SMURF2: variants seen among roughly 807,000 people sequenced by gnomAD.
SMURF2 encodes the protein E3 ubiquitin-protein ligase SMURF2.
Under a neutral mutation model 109.6 loss-of-function variants are expected in SMURF2, and 48 were observed. The ratio of observed to expected loss-of-function variants is 0.44; its 90% confidence interval spans 0.35 to 0.56. The LOEUF (loss-of-function observed/expected upper bound fraction) is 0.56. Ranked by LOEUF, SMURF2 falls within the 20% of genes least tolerant of loss-of-function variation. The probability of loss-of-function intolerance (pLI) is 0.01; values close to 1 mark genes in which losing one functional copy is unlikely to be tolerated. For synonymous variants in SMURF2, 288 were observed against 317.1 expected (o/e 0.91, Z 0.97); for missense variants, 575 against 909.0 (o/e 0.63, Z 4.72).
rs546499479 is a variant in SMURF2 at position 64,614,090 on chromosome 17, C to T, written c.53-7450G>A. Among the ~76,000 whole-genome samples the T allele has an allele frequency of 8.4e-4, 128 of 152,158 alleles. No individual in the cohort carries two copies. In the South Asian group the frequency reaches 0.022, roughly 26 times the overall value. On this transcript the variant is annotated intron_variant, in intron 1 of 18. Transcript: ENST00000262435. Reference sequence around the variant, plus strand: ...GAGGCTGAGCTCAGGTGGTAATACACGATGGGAAGTGGTTGTAAATACAGA... The same window carrying T: ...GAGGCTGAGCTCAGGTGGTAATACATGATGGGAAGTGGTTGTAAATACAGA...
intron 1 of SMURF2, chr17:64,660,638 G>C (rs1332007688): frequency 6.6e-6 from 1 of 152,180 alleles, no homozygotes; most frequent in Non-Finnish European, 1.5e-5. Flanking sequence ...TACAAAATTA[G>C]TCCAAATAAA....
intron 1 of SMURF2, among the ~76,000 whole-genome samples, chr17:64,642,306 A>G (rs565878240): frequency 4.6e-5 from 7 of 152,312 alleles, no homozygotes; most frequent in African/African-American, 1.4e-4. Flanking sequence ...CATCCTCCCT[A>G]AAGTCAGCAT....
intron 1 of SMURF2, among the ~76,000 whole-genome samples, chr17:64,627,272 G>A (rs1598303156): frequency 6.6e-6 from 1 of 151,944 alleles, no homozygotes; most frequent in Admixed American, 6.5e-5. Context: ...GTGCCACCAC[G>A]CCCAGCTAAT....
intron 1 of SMURF2, among the ~76,000 whole-genome samples, chr17:64,650,062 A>T (rs1386200072): frequency 2.0e-5 from 3 of 152,184 alleles, no homozygotes; most frequent in African/African-American, 7.2e-5. Flanking sequence ...GCTCTTATAA[A>T]ATATAATCGG....
intron 7 of SMURF2, among the ~76,000 whole-genome samples, chr17:64,582,301 T>C (rs1416699708): frequency 1.3e-5 from 2 of 152,304 alleles, no homozygotes; most frequent in South Asian, 2.1e-4. Context: ...GAATTTGGTA[T>C]TTTATGCCTA....
intron 1 of SMURF2, among the ~76,000 whole-genome samples, chr17:64,644,774 T>C (rs142126845): frequency 2.0e-5 from 3 of 151,762 alleles, no homozygotes; most frequent in South Asian, 2.1e-4. Context: ...TAGCTGGGCA[T>C]GGTGGCGTGC....
intron 6 of SMURF2, among the ~76,000 whole-genome samples, chr17:64,585,777 T>C (rs1969643080): frequency 6.6e-6 from 1 of 152,238 alleles, no homozygotes; most frequent in South Asian, 2.1e-4. Context: ...TTGCATGGCC[T>C]GTTTTGAATA....
Position 64,589,178 on chromosome 17 carries a change from TTAAGAG to T in SMURF2, c.400+1900_400+1905del, listed in dbSNP as rs536818299. 1.2e-3 allele frequency among the ~76,000 whole-genome samples: 185 copies of T among 152,250 alleles called. 1 individual carries two copies. The highest frequency in any genetic ancestry group is 4.0e-3 in the African/African-American group (166 of 41,532). On this transcript the variant is annotated intron_variant, in intron 5 of 18. Coordinates refer to ENST00000262435, the MANE Select transcript of SMURF2 (RefSeq NM_022739.4). ...TACATATATACAGGCATACACATATTTAAGAGTAAAACATTTGTTTTCTATGTGGTG... is the reference window on the plus strand; with the variant it reads ...TACATATATACAGGCATACACATATTTAAAACATTTGTTTTCTATGTGGTG...
At chr17:64,563,265 T>C (rs569694185) in intron 10 of SMURF2, 1 of 201,818 alleles carries the variant, frequency 5.0e-6, no homozygotes, top group South Asian at 1.3e-4. Context: ...GAGTTTACCA[T>C]CACCCACTTT....
chr17:64,593,557 C>G lies in SMURF2; in HGVS notation c.217G>C (p.Asp73His). 2.6e-6 allele frequency: 4 copies of G among 1,561,936 alleles called. No individual in the cohort carries two copies. Among genetic ancestry groups the G allele is most frequent in the Non-Finnish European group, 3.5e-6 (4 of 1,148,018 alleles). Residue 73 changes from aspartate to histidine, a missense_variant, in exon 4 of 19, where the codon GAT (aspartate) becomes CAT (histidine). Physicochemically the swap from Asp to His is moderately conservative, Grantham distance 81 (BLOSUM62 -1). Transcript: ENST00000262435. ...TTCCATACACTGATCGTAACTGAAT[C>G]AGACTTTCCAATATACCTAAAAAAC... ...QHYDLYIGKSDSVTISVWNHK... is the reference protein window; with the variant it reads ...QHYDLYIGKSHSVTISVWNHK...
chr17:64,573,328 G>T (rs541025560), intron 9 of SMURF2, among the ~76,000 whole-genome samples: 1 of 150,834 alleles, frequency 6.6e-6, no homozygotes, highest in South Asian at 2.1e-4. Context: ...AATTTAAATT[G>T]TAACAGATAA....
Position 64,648,058 on chromosome 17 carries a change from TAAAAAAAAAAAAAAAAAAAAA to T in SMURF2, c.52+13750_52+13770del, listed in dbSNP as rs56131846. On this transcript the variant is annotated intron_variant, in intron 1 of 18. Transcript: ENST00000262435. ...GGCAACACAGTGAGACCCTATCTCT[TAAAAAAAAAAAAAAAAAAAAA>T]AAAAAAAAAAAAACAGGATCTCAAT... Among the ~76,000 whole-genome samples, 5 of 17,690 alleles carry T rather than the reference TAAAAAAAAAAAAAAAAAAAAA, an allele frequency of 2.8e-4. No individual in the cohort carries two copies. The East Asian group carries it at 6.0e-3, about 21-fold the overall frequency. The allele number at this position is 17,690 out of a possible 152,430, so 11.6% of individuals were successfully genotyped here. A position where few individuals can be genotyped will look rare whatever the true frequency, so the allele number is the denominator to read the frequency against.
chr17:64,625,898 A>C (rs560624503), intron 1 of SMURF2, among the ~76,000 whole-genome samples: 1 of 152,306 alleles, frequency 6.6e-6, no homozygotes, highest in African/African-American at 2.4e-5. Context: ...TAGACAATAC[A>C]CACACTTTAA....
chr17:64,552,514 G>A (rs1969059688), intron 15 of SMURF2, among the ~76,000 whole-genome samples: 1 of 152,140 alleles, frequency 6.6e-6, no homozygotes. Context: ...TAAGGGGACA[G>A]CAAAACTGTG....
rs1214077893 is a variant in SMURF2 at position 64,561,678 on chromosome 17, C to A, written c.1213-75G>T. ...TATTACTTAATCTCTCCCTGCCAATCCATCCAAAAAACTCAAGTCTAAATA... is the reference window on the plus strand; with the variant it reads ...TATTACTTAATCTCTCCCTGCCAATACATCCAAAAAACTCAAGTCTAAATA... On this transcript the variant is annotated intron_variant, in intron 11 of 18. Transcript: ENST00000262435. 3.5e-6 allele frequency: 4 copies of A among 1,157,666 alleles called. No homozygotes were observed. The African/African-American group carries it at 6.2e-5, about 18-fold the overall frequency. 71.7% of individuals were successfully genotyped at this position (1,157,666 alleles called of 1,614,324 possible). A position where few individuals can be genotyped will look rare whatever the true frequency, so the allele number is the denominator to read the frequency against.
chr17:64,570,058 G>A (rs1475132721), intron 10 of SMURF2, among the ~76,000 whole-genome samples: 1 of 152,146 alleles, frequency 6.6e-6, no homozygotes, highest in Non-Finnish European at 1.5e-5. Flanking sequence ...TAATGAGACT[G>A]CCAGGATAAT....
chr17:64,642,746 T>G (rs556021681), intron 1 of SMURF2, among the ~76,000 whole-genome samples: 1 of 152,254 alleles, frequency 6.6e-6, no homozygotes, highest in East Asian at 1.9e-4. Flanking sequence ...AAGTTCACAG[T>G]GCTATGGAGA....
chr17:64,645,626 T>C (rs945677531), intron 1 of SMURF2, among the ~76,000 whole-genome samples: 3 of 152,334 alleles, frequency 2.0e-5, no homozygotes, highest in Middle Eastern at 3.4e-3. Flanking sequence ...TAATTGGACA[T>C]GCATGTCTCC....
At position 64,656,541 on chromosome 17, in the gene SMURF2, C is replaced by T. The variant is rs539762755; in HGVS notation, c.52+5288G>A. Among the ~76,000 whole-genome samples the T allele has an allele frequency of 6.6e-5, 10 of 152,200 alleles. No individual in the cohort carries two copies. The South Asian group carries it at 2.1e-3, about 32-fold the overall frequency. On this transcript the variant is annotated intron_variant, in intron 1 of 18. Coordinates refer to ENST00000262435, the MANE Select transcript of SMURF2 (RefSeq NM_022739.4). Reference sequence around the variant, plus strand: ...AAAGGGACATCTTTATTTACTGCTGCTCTAAATAGGTCCAACTCTTGTAAG... The same window carrying T: ...AAAGGGACATCTTTATTTACTGCTGTTCTAAATAGGTCCAACTCTTGTAAG...
Sources: allele counts gnomAD v4.1 joint callset (sites outside exome capture counted in the v4.1 genomes callset), GRCh38; gene constraint gnomAD v4.1.1; transcripts MANE v1.5; gene names NCBI Gene and HGNC (gene_info 2026-07-23, HGNC 2026-07-21).